HS1BP3: variants seen among roughly 807,000 people sequenced by gnomAD.
HS1BP3 encodes the protein HCLS1 binding protein 3.
HS1BP3 carries 32 observed loss-of-function variants against 33.5 expected under a neutral mutation model. The observed-to-expected ratio is 0.95, with a 90% CI of 0.72 to 1.28. HS1BP3 has a LOEUF of 1.28. Ranked by LOEUF, HS1BP3 falls within the 50% of genes most tolerant of loss-of-function variation. HS1BP3 has a pLI of 0.00. For synonymous variants in HS1BP3, 187 were observed against 209.2 expected, an observed-to-expected ratio of 0.89 and a Z score of 0.92; for missense variants, 486 against 502.3, an observed-to-expected ratio of 0.97 and a Z score of 0.31.
chr2:20,571,462 G>A (rs1460516420), intron 5 of HS1BP3, among the ~76,000 whole-genome samples: 1 of 152,186 alleles, frequency 6.6e-6, no homozygotes, highest in East Asian at 1.9e-4. Flanking sequence ...CACATTGTTC[G>A]ACTTTGTGTC....
At position 20,640,954 on chromosome 2, in the gene HS1BP3, G is replaced by T; in HGVS notation, c.406+19C>A. ...TGGGCCGGGGAGACCTGAGGGACAT[G>T]GGGCAGAGCCTTGGGTACCTAAGAA... On this transcript the variant is annotated intron_variant, in intron 3 of 6. Coordinates refer to ENST00000304031, the MANE Select transcript of HS1BP3 (RefSeq NM_022460.4). 1 of 1,612,602 alleles carries T rather than the reference G, an allele frequency of 6.2e-7. No homozygotes were observed. Among genetic ancestry groups the T allele is most frequent in the Non-Finnish European group, 8.5e-7 (1 of 1,178,612 alleles).
chr2:20,566,747 C>T (rs1693139000), intron 5 of HS1BP3, among the ~76,000 whole-genome samples: 1 of 152,098 alleles, frequency 6.6e-6, no homozygotes, highest in South Asian at 2.1e-4. Context: ...GCTGGGATTA[C>T]AGGCACACAC....
rs777210455 is a variant in HS1BP3, at chr2:20,638,629, C to A, written c.430G>T (p.Gly144Trp). The A allele has an allele frequency of 5.0e-6, 8 of 1,613,932 alleles. No homozygotes were observed. In the East Asian group the frequency reaches 1.1e-4, roughly 22 times the overall value. ...ACAGAGGAATCTCTGCTGGTGAGCC[C>A]TGCAGCCCCTGGGGATCTGGTACCT... is the stretch of plus-strand genomic sequence containing the variant. The part of the protein sequence containing the change: ...FLGTRSPGAA[G>W]LTSRDSSVLD... The change falls in exon 4 of 7, where the codon GGG (glycine) becomes TGG (tryptophan). Residue 144 changes from glycine (G) to tryptophan (W), a missense_variant. By Grantham distance (184) the Gly-to-Trp change is radical. Transcript: ENST00000304031.
intron 5 of HS1BP3, among the ~76,000 whole-genome samples, chr2:20,567,331 A>C (rs530344995): frequency 6.6e-6 from 1 of 152,212 alleles, no homozygotes; most frequent in African/African-American, 2.4e-5. Context: ...AGCTGGGGGC[A>C]TCTCAGCCTT....
At chr2:20,590,305 C>T (rs1327209772), downstream of HS1BP3, among the ~76,000 whole-genome samples, 2 of 152,188 alleles carry the variant, frequency 1.3e-5, no homozygotes, top group African/African-American at 4.8e-5. Context: ...CCACCTCTAC[C>T]CAGCCTTCCA....
At chr2:20,639,029 C>A (rs944509548) in intron 3 of HS1BP3, among the ~76,000 whole-genome samples, 2 of 152,248 alleles carry the variant, frequency 1.3e-5, no homozygotes, top group African/African-American at 2.4e-5. Flanking sequence ...CGGTGGGATA[C>A]AACAGCCAGG....
intron 2 of HS1BP3, among the ~76,000 whole-genome samples, chr2:20,641,604 C>T (rs1009796002): frequency 1.3e-5 from 2 of 152,208 alleles, no homozygotes; most frequent in Non-Finnish European, 1.5e-5. Flanking sequence ...CTCATTCTCC[C>T]GTGAACCAGT....
intron 1 of HS1BP3, among the ~76,000 whole-genome samples, chr2:20,648,289 C>T (rs913061817): frequency 1.3e-5 from 2 of 152,178 alleles, no homozygotes; most frequent in Non-Finnish European, 2.9e-5. Flanking sequence ...ACAGAGGGCC[C>T]CATATTCATG....
intron 3 of HS1BP3, among the ~76,000 whole-genome samples, chr2:20,593,163 C>T (rs1693859723): frequency 2.0e-5 from 3 of 151,894 alleles, no homozygotes; most frequent in Admixed American, 6.6e-5. Context: ...AGGGTCCACA[C>T]GCTTCCTCCA....
chr2:20,616,597 G>A (rs1694431092), downstream of HS1BP3, among the ~76,000 whole-genome samples: 1 of 152,162 alleles, frequency 6.6e-6, no homozygotes, highest in Non-Finnish European at 1.5e-5. Flanking sequence ...TGCAGTTACT[G>A]GCCCGATGAC....
intron 1 of HS1BP3, among the ~76,000 whole-genome samples, chr2:20,645,971 G>A (rs734889): frequency 7.2e-5 from 11 of 152,298 alleles, no homozygotes; most frequent in African/African-American, 2.2e-4. Context: ...GACACGGGAC[G>A]AGCACTGGAG....
intron 5 of HS1BP3, among the ~76,000 whole-genome samples, chr2:20,565,845 C>T (rs1030269433): frequency 7.9e-5 from 12 of 152,290 alleles, no homozygotes; most frequent in African/African-American, 1.4e-4. Context: ...CTGGAGCCTG[C>T]GCAGTGAGAT....
intron 1 of HS1BP3, 134 bp downstream of exon 1, chr2:20,650,898 G>T: frequency 1.3e-6 from 1 of 764,552 alleles, no homozygotes. Flanking sequence ...GGCCCAGCCC[G>T]GATAAGCCAC....
At chr2:20,565,335 C>T (rs1258671179) in intron 5 of HS1BP3, among the ~76,000 whole-genome samples, 1 of 152,196 alleles carries the variant, frequency 6.6e-6, no homozygotes, top group Non-Finnish European at 1.5e-5. Context: ...GGCTCCTCCA[C>T]CAGATGGACC....
chr2:20,564,741 C>T (rs2149270407), intron 5 of HS1BP3, among the ~76,000 whole-genome samples: 1 of 152,300 alleles, frequency 6.6e-6, no homozygotes, highest in African/African-American at 2.4e-5. Flanking sequence ...GCCTCAGCCT[C>T]CCAAAGTGCT....
chr2:20,591,964 G>A (rs572506836), downstream of HS1BP3, among the ~76,000 whole-genome samples: 160 of 152,262 alleles, frequency 1.1e-3, 1 homozygote, highest in African/African-American at 3.7e-3. Context: ...CTAGGGGGAC[G>A]GTTCAACATC....
chr2:20,587,125 TA>T (rs1233628452), intron 5 of HS1BP3, among the ~76,000 whole-genome samples: 1 of 152,168 alleles, frequency 6.6e-6, no homozygotes, highest in East Asian at 1.9e-4. Context: ...AGATGATTGA[TA>T]AAGGGGGTAT....
chr2:20,587,406 AC>A (rs1693707561), intron 5 of HS1BP3, among the ~76,000 whole-genome samples: 1 of 152,172 alleles, frequency 6.6e-6, no homozygotes, highest in Admixed American at 6.5e-5. Flanking sequence ...CAAGACCCTG[AC>A]CCCATCCCCT....
rs1426646873 is a variant in HS1BP3, at chr2:20,624,681, GGGGCT to G, written c.784+46_784+50del. Reference sequence around the variant, plus strand: ...GTGAGTCCAGACCCTGCCTGGTGATGGGGCTGGGCACCGAGAGGACACCAGGAGCA... The same window carrying G: ...GTGAGTCCAGACCCTGCCTGGTGATGGGGCACCGAGAGGACACCAGGAGCA... On this transcript the variant is annotated intron_variant, in intron 5 of 6. Transcript: ENST00000304031. 14 of 1,519,818 alleles carry G rather than the reference GGGGCT, an allele frequency of 9.2e-6. No homozygotes were observed. The African/African-American group carries it at 1.1e-4, about 12-fold the overall frequency. The allele number at this position is 1,519,818 out of a possible 1,614,324, so 94.1% of individuals were successfully genotyped here.
Sources: allele counts gnomAD v4.1 joint callset (sites outside exome capture counted in the v4.1 genomes callset), GRCh38; gene constraint gnomAD v4.1.1; transcripts MANE v1.5; gene names NCBI Gene and HGNC (gene_info 2026-07-23, HGNC 2026-07-21).